SV2C: variants seen among roughly 807,000 people sequenced by gnomAD.
SV2C encodes synaptic vesicle glycoprotein 2C, also known as solute carrier family 22 member B3.
In SV2C, 49 loss-of-function variants were observed where a neutral mutation model predicts 79.7. The observed-to-expected ratio is 0.61, with a 90% CI of 0.49 to 0.78. The LOEUF (loss-of-function observed/expected upper bound fraction) is 0.78. Ranked by LOEUF, SV2C falls within the 30% of genes least tolerant of loss-of-function variation. The pLI is 0.00. For missense variants in SV2C, 833 were observed against 912.9 expected, an observed-to-expected ratio of 0.91 and a Z score of 1.13; for synonymous variants, 334 against 333.2, an observed-to-expected ratio of 1.00 and a Z score of -0.03.
rs200424377 is a variant in SV2C at position 76,173,068 on chromosome 5, C to CAAA, written c.581-21840_581-21838dup. ...TAAAAAAATAAATTAAAAAAAAATA[C>CAAA]AAAAAAAAAAAAATTAAAAAAACTA... On this transcript the variant is annotated intron_variant, in intron 2 of 12. Transcript: ENST00000502798. Among the ~76,000 whole-genome samples the CAAA allele has an allele frequency of 2.4e-4, 31 of 131,088 alleles. No individual in the cohort carries two copies. In the East Asian group the frequency reaches 5.7e-3, roughly 24 times the overall value. The allele number at this position is 131,088 out of a possible 152,430, so 86.0% of individuals were successfully genotyped here. A position where few individuals can be genotyped will look rare whatever the true frequency, so the allele number is the denominator to read the frequency against.
At chr5:75,899,555 G>A in the SV2C span, among the ~76,000 whole-genome samples, 2 of 152,028 alleles carry the variant, frequency 1.3e-5, no homozygotes, top group African/African-American at 2.4e-5. Flanking sequence ...GATTTGGGGT[G>A]GAGAGTTCTG....
chr5:76,000,339 C>T, the SV2C span, among the ~76,000 whole-genome samples: 1 of 152,124 alleles, frequency 6.6e-6, no homozygotes, highest in Non-Finnish European at 1.5e-5. Context: ...CTGCAAGTTC[C>T]CAGTTTGCAC....
chr5:76,062,938 G>A, the SV2C span, among the ~76,000 whole-genome samples: 1 of 152,220 alleles, frequency 6.6e-6, no homozygotes. Context: ...ATTCAAATTT[G>A]CATGTTATGG....
At chr5:75,919,836 T>C in the SV2C span, among the ~76,000 whole-genome samples, 1 of 152,236 alleles carries the variant, frequency 6.6e-6, no homozygotes, top group East Asian at 1.9e-4. Flanking sequence ...TCTCATTGTC[T>C]TTCTGCTTTG....
At chr5:76,158,724 G>A (rs1580315633) in intron 2 of SV2C, among the ~76,000 whole-genome samples, 1 of 152,108 alleles carries the variant, frequency 6.6e-6, no homozygotes, top group East Asian at 1.9e-4. Context: ...AGAACACTAT[G>A]AATAATTAAT....
chr5:76,189,282 C>G (rs1744024626), intron 2 of SV2C, among the ~76,000 whole-genome samples: 1 of 151,914 alleles, frequency 6.6e-6, no homozygotes, highest in Non-Finnish European at 1.5e-5. Flanking sequence ...AGCTGCTGCC[C>G]TGTTGTCCCT....
At chr5:75,891,806 G>A in the SV2C span, among the ~76,000 whole-genome samples, 1 of 152,052 alleles carries the variant, frequency 6.6e-6, no homozygotes. Flanking sequence ...TAATTGAATT[G>A]TAGAGTAAAT....
At position 76,126,787 on chromosome 5, in the gene SV2C, G is replaced by C. The variant is rs183516884; in HGVS notation, c.-101-4863G>C. ...TTTCAGATCCCTGTTTCCATCACAG[G>C]CTCCCATTTCCACAAAAACGTGGCA... On this transcript the variant is annotated intron_variant, in intron 1 of 12. Transcript: ENST00000502798. Among the ~76,000 whole-genome samples the C allele has an allele frequency of 5.9e-5, 9 of 152,252 alleles. 1 individual carries two copies. In the South Asian group the frequency reaches 1.9e-3, roughly 32 times the overall value.
the SV2C span, among the ~76,000 whole-genome samples, chr5:76,068,929 C>T: frequency 2.0e-5 from 3 of 152,016 alleles, no homozygotes; most frequent in African/African-American, 4.8e-5. Context: ...AGGTTCATGG[C>T]ATAACACAAA....
At chr5:76,254,257 T>TAGAGAGAGAG (rs766602017) in intron 4 of SV2C, among the ~76,000 whole-genome samples, 1 of 149,304 alleles carries the variant, frequency 6.7e-6, no homozygotes, top group African/African-American at 2.5e-5. Context: ...TATATATATA[T>TAGAGAGAGAG]AGAGAGAGAG....
intron 1 of SV2C, among the ~76,000 whole-genome samples, chr5:76,122,522 C>G (rs1467532655): frequency 2.6e-5 from 4 of 151,354 alleles, no homozygotes; most frequent in Non-Finnish European, 5.9e-5. Flanking sequence ...ATAAATAGCT[C>G]TTATTATTTT....
chr5:76,258,519 A>G (rs1357633058), intron 4 of SV2C, among the ~76,000 whole-genome samples: 1 of 152,200 alleles, frequency 6.6e-6, no homozygotes, highest in Non-Finnish European at 1.5e-5. Flanking sequence ...GATGGAAATG[A>G]ATCCTTACAA....
At chr5:76,111,485 C>A (rs758279574) in intron 1 of SV2C, among the ~76,000 whole-genome samples, 10 of 152,060 alleles carry the variant, frequency 6.6e-5, no homozygotes, top group Non-Finnish European at 1.0e-4. Flanking sequence ...CTTCTCCCTC[C>A]ACCCTGAATA....
chr5:75,955,016 A>T, the SV2C span, among the ~76,000 whole-genome samples: 3 of 147,138 alleles, frequency 2.0e-5, no homozygotes, highest in African/African-American at 8.0e-5. Flanking sequence ...GCTACCAATG[A>T]CTTTCTTCAC....
chr5:75,888,615 T>A, the SV2C span, among the ~76,000 whole-genome samples: 1 of 152,114 alleles, frequency 6.6e-6, no homozygotes, highest in African/African-American at 2.4e-5. Context: ...TTTTAATAAA[T>A]ATCACTTCTT....
At chr5:76,215,048 C>T (rs1744875842) in intron 4 of SV2C, among the ~76,000 whole-genome samples, 1 of 152,286 alleles carries the variant, frequency 6.6e-6, no homozygotes, top group South Asian at 2.1e-4. Flanking sequence ...ACTTTCAGTA[C>T]TATCCTGAAT....
At chr5:75,865,713 T>G in the SV2C span, among the ~76,000 whole-genome samples, 1 of 152,230 alleles carries the variant, frequency 6.6e-6, no homozygotes, top group African/African-American at 2.4e-5. Context: ...GAGAAGCATG[T>G]GGACCAACAA....
chr5:76,179,591 T>G (rs969604812), intron 2 of SV2C, among the ~76,000 whole-genome samples: 2 of 152,352 alleles, frequency 1.3e-5, no homozygotes, highest in East Asian at 3.9e-4. Context: ...TGACCTTTCC[T>G]AAAATGCCGA....
At chr5:75,847,845 A>G in the SV2C span, among the ~76,000 whole-genome samples, 1 of 151,974 alleles carries the variant, frequency 6.6e-6, no homozygotes, top group East Asian at 1.9e-4. Flanking sequence ...CACTCTCTGA[A>G]CTCCACCTAT....
Sources: gnomAD v4.1 joint callset for allele counts (sites outside exome capture counted in the v4.1 genomes callset) on GRCh38, gnomAD v4.1.1 for gene constraint, MANE v1.5 for transcripts, NCBI Gene and HGNC (gene_info 2026-07-23, HGNC 2026-07-21) for gene names.